HDHD2: variants seen among roughly 807,000 people sequenced by gnomAD.
The protein encoded by HDHD2 is haloacid dehalogenase-like hydrolase domain-containing protein 2.
Under a neutral mutation model 24.8 loss-of-function variants are expected in HDHD2, and 26 were observed. The observed-to-expected ratio is 1.05, with a 90% CI of 0.77 to 1.45. The LOEUF is 1.45. HDHD2 is among the 40% of genes most tolerant of loss of function. The probability of loss-of-function intolerance (pLI) is 0.00; values close to 1 mark genes in which losing one functional copy is unlikely to be tolerated. For synonymous variants in HDHD2, 128 were observed against 114.9 expected (o/e 1.11, Z -0.73); for missense variants, 299 against 313.4 (o/e 0.95, Z 0.35).
intron 6 of HDHD2, chr18:47,111,634 T>C (rs1055585898): frequency 3.0e-6 from 3 of 985,276 alleles, no homozygotes; most frequent in African/African-American, 3.5e-5. Context: ...AAAAATCCAC[T>C]GTGTTAATTC....
rs1173638176 is a variant in HDHD2, at chr18:47,116,612, T to TATTA, written c.396-1265_396-1264insTAAT. Among the ~76,000 whole-genome samples, 4 of 152,356 alleles carry TATTA rather than the reference T, an allele frequency of 2.6e-5. No homozygotes were observed. In the South Asian group the frequency reaches 8.3e-4, roughly 32 times the overall value. On this transcript the variant is annotated intron_variant, in intron 4 of 6. Transcript: ENST00000300605. ...TCACTAATATTAATACAAATTTATT[T>TATTA]CTTAAAGCTGCTCTTGAAATACAAC...
chr18:47,117,279 A>G (rs1008886374), intron 4 of HDHD2, among the ~76,000 whole-genome samples: 1 of 152,148 alleles, frequency 6.6e-6, no homozygotes, highest in African/African-American at 2.4e-5. Flanking sequence ...TGTCCCCCCA[A>G]AATTTATCTG....
intron 4 of HDHD2, among the ~76,000 whole-genome samples, chr18:47,117,032 T>A (rs1003541366): frequency 3.9e-5 from 6 of 152,164 alleles, no homozygotes; most frequent in African/African-American, 1.4e-4. Context: ...GTGTTATACA[T>A]CTCTCAGGGA....
At chr18:47,134,768 T>G in intron 2 of HDHD2, 64 bp from the exon 3 acceptor site, 1 of 1,328,426 alleles carries the variant, frequency 7.5e-7, no homozygotes, top group Non-Finnish European at 1.1e-6. Flanking sequence ...TAAAATCTCC[T>G]AATTTGTTAA....
chr18:47,136,257 GCCAT>G, intron 2 of HDHD2, 78 bp downstream of exon 2: 1 of 1,559,504 alleles, frequency 6.4e-7, no homozygotes, highest in Non-Finnish European at 8.7e-7. Context: ...CCATCTTAAG[GCCAT>G]CCATTTAGCT....
At position 47,115,366 on chromosome 18, in the gene HDHD2, A is replaced by G. The variant is rs1467930752; in HGVS notation, c.396-18T>C. 2.6e-6 allele frequency: 4 copies of G among 1,564,248 alleles called. No homozygotes were observed. On this transcript the variant is annotated intron_variant, in intron 4 of 6. Transcript: ENST00000300605. Reference sequence around the variant, plus strand: ...GGAGTAACCTAGAGAGAACAACAACAAAAAAAACAAATTGGCTAAAAGCAA... The same window carrying G: ...GGAGTAACCTAGAGAGAACAACAACGAAAAAAACAAATTGGCTAAAAGCAA...
intron 2 of HDHD2, 23 bp downstream of exon 2, chr18:47,136,316 G>T: frequency 6.2e-7 from 1 of 1,613,068 alleles, no homozygotes; most frequent in Admixed American, 1.7e-5. Context: ...ATATTTGTCA[G>T]CTGAACCTGG....
intron 4 of HDHD2, among the ~76,000 whole-genome samples, chr18:47,127,043 C>A (rs2063665659): frequency 1.3e-5 from 2 of 152,026 alleles, no homozygotes; most frequent in Admixed American, 6.6e-5. Context: ...CACCTGTAGT[C>A]CCAGCTACCT....
intron 1 of HDHD2, among the ~76,000 whole-genome samples, chr18:47,148,193 G>A (rs575154710): frequency 3.0e-4 from 46 of 152,138 alleles, no homozygotes; most frequent in African/African-American, 9.9e-4. Context: ...GTTTCACCAC[G>A]TTGCCCAGGA....
intron 4 of HDHD2, among the ~76,000 whole-genome samples, chr18:47,121,287 G>A (rs1419442909): frequency 6.6e-6 from 1 of 151,992 alleles, no homozygotes; most frequent in Non-Finnish European, 1.5e-5. Context: ...CGTCAAACTG[G>A]TAAGTCCCTC....
chr18:47,139,731 G>A (rs1184471256), intron 1 of HDHD2, among the ~76,000 whole-genome samples: 2 of 152,136 alleles, frequency 1.3e-5, no homozygotes, highest in African/African-American at 4.8e-5. Flanking sequence ...TGTTGGAACT[G>A]AATTGGAGGA....
chr18:47,137,374 G>C, intron 1 of HDHD2: 1 of 312,492 alleles, frequency 3.2e-6, no homozygotes. Context: ...ATCAGAAAAT[G>C]GCGATTTGAT....
At position 47,116,479 on chromosome 18, in the gene HDHD2, G is replaced by C. The variant is rs527972630; in HGVS notation, c.396-1131C>G. On this transcript the variant is annotated intron_variant, in intron 4 of 6. Coordinates refer to ENST00000300605, the MANE Select transcript of HDHD2 (RefSeq NM_032124.5). Reference sequence around the variant, plus strand: ...CTTCCTGTGGGAGATGCAGAATTCAGACATTTATGATTAAATATTTTATTA... The same window carrying C: ...CTTCCTGTGGGAGATGCAGAATTCACACATTTATGATTAAATATTTTATTA... Among the ~76,000 whole-genome samples the C allele has an allele frequency of 3.3e-5, 5 of 152,302 alleles. No individual in the cohort carries two copies. In the South Asian group the frequency reaches 8.3e-4, roughly 25 times the overall value.
chr18:47,133,471 T>C (rs551011892), intron 3 of HDHD2, among the ~76,000 whole-genome samples: 150 of 139,720 alleles, frequency 1.1e-3, no homozygotes, highest in Non-Finnish European at 1.7e-3. Flanking sequence ...TGCATGTGTC[T>C]TTATAGCAGC....
At chr18:47,125,437 A>C (rs1050362886) in intron 4 of HDHD2, among the ~76,000 whole-genome samples, 1 of 152,220 alleles carries the variant, frequency 6.6e-6, no homozygotes, top group African/African-American at 2.4e-5. Flanking sequence ...AGACATATAC[A>C]AGAATGTTCA....
chr18:47,137,130 C>T (rs1407928337), intron 1 of HDHD2: 3 of 729,170 alleles, frequency 4.1e-6, no homozygotes, highest in South Asian at 2.7e-5. Context: ...AAGAGGCATA[C>T]ACCACTTGGT....
Position 47,138,826 on chromosome 18 carries a change from G to A in HDHD2, c.-10-2377C>T, listed in dbSNP as rs543236245. Among the ~76,000 whole-genome samples the A allele has an allele frequency of 4.6e-5, 7 of 152,308 alleles. No individual in the cohort carries two copies. In the East Asian group the frequency reaches 9.7e-4, roughly 21 times the overall value. On this transcript the variant is annotated intron_variant, in intron 1 of 6. Transcript: ENST00000300605. ...AAGACCCTCATTCCAGAGAGGTTCT[G>A]TCTCATATCCTGGAGGAAGGAATGC... is the stretch of plus-strand genomic sequence containing the variant.
chr18:47,134,452 T>C (rs1311954516), intron 3 of HDHD2, 44 bp downstream of exon 3: 3 of 1,313,984 alleles, frequency 2.3e-6, no homozygotes, highest in Non-Finnish European at 1.1e-6. Flanking sequence ...GATTTGTAAG[T>C]ACATATAAAT....
chr18:47,117,663 C>T (rs1323027135), intron 4 of HDHD2, among the ~76,000 whole-genome samples: 1 of 152,128 alleles, frequency 6.6e-6, no homozygotes, highest in Non-Finnish European at 1.5e-5. Flanking sequence ...AGCAGAAAAT[C>T]TGAAAATTTT....
Sources: gnomAD v4.1 joint callset for allele counts (sites outside exome capture counted in the v4.1 genomes callset) on GRCh38, gnomAD v4.1.1 for gene constraint, MANE v1.5 for transcripts, NCBI Gene and HGNC (gene_info 2026-07-23, HGNC 2026-07-21) for gene names.